TOPAZ1: variants seen among roughly 807,000 people sequenced by gnomAD.
TOPAZ1 encodes the protein protein TOPAZ1.
In TOPAZ1, 66 loss-of-function variants were observed where a neutral mutation model predicts 172.2. The ratio of observed to expected loss-of-function variants is 0.38; its 90% CI spans 0.31 to 0.47. The LOEUF is 0.47. Ranked by LOEUF, TOPAZ1 falls within the 20% of genes least tolerant of loss-of-function variation. The pLI, the probability that TOPAZ1 is intolerant of heterozygous loss-of-function variation, is 0.99. For missense variants in TOPAZ1, 1,822 were observed against 1,972.4 expected, an observed-to-expected ratio of 0.92 and a Z score of 1.44; for synonymous variants, 681 against 683.9, an observed-to-expected ratio of 1.00 and a Z score of 0.07.
chr3:44,261,883 C>T (rs1022382844), intron 4 of TOPAZ1, among the ~76,000 whole-genome samples: 1 of 152,062 alleles, frequency 6.6e-6, no homozygotes, highest in Admixed American at 6.6e-5. Flanking sequence ...CCCTGGTTAG[C>T]TGTATTCCTA....
chr3:44,281,840 C>A, intron 8 of TOPAZ1, 128 bp from the exon 9 acceptor site: 1 of 558,594 alleles, frequency 1.8e-6, no homozygotes, highest in African/African-American at 1.9e-5. Flanking sequence ...CAAACATCAG[C>A]TTCTTTATTC....
Position 44,306,388 on chromosome 3 carries a change from G to A in TOPAZ1, c.4102G>A (p.Ala1368Thr). The stretch of plus-strand genomic sequence containing the variant: ...TGTACTGGGAAGAATTGGAATCAGT[G>A]CTATGTACTTCTATCACAAGCTGTT... ...KGVLGRIGIS[A>T]MYFYHKLLQW... Residue 1368 changes from alanine to threonine, a missense_variant, in exon 15 of 20, where the codon GCT becomes ACT. This residue lies in a region of TOPAZ1 where 333 missense variants were observed against 481.7 expected (regional missense o/e 0.69). Coordinates refer to ENST00000309765, the MANE Select transcript of TOPAZ1 (RefSeq NM_001145030.2). The A allele has an allele frequency of 6.5e-7, 1 of 1,546,922 alleles. No individual in the cohort carries two copies. The highest frequency in any genetic ancestry group is 8.7e-7 in the Non-Finnish European group (1 of 1,143,540).
chr3:44,258,483 G>A (rs1424044491), intron 4 of TOPAZ1, among the ~76,000 whole-genome samples: 16 of 151,940 alleles, frequency 1.1e-4, no homozygotes, highest in Non-Finnish European at 1.5e-5. Flanking sequence ...CTTAACCCTG[G>A]ACAACCACAT....
chr3:44,327,718 G>GTT (rs200305433), intron 18 of TOPAZ1, among the ~76,000 whole-genome samples: 1 of 147,160 alleles, frequency 6.8e-6, no homozygotes, highest in South Asian at 2.2e-4. Context: ...TTTTCAGAGT[G>GTT]TTTTTTTTTT....
chr3:44,263,509 C>T (rs1202619422), intron 5 of TOPAZ1, among the ~76,000 whole-genome samples: 1 of 152,108 alleles, frequency 6.6e-6, no homozygotes, highest in African/African-American at 2.4e-5. Flanking sequence ...GTTTATGTTG[C>T]CGCTTTTGTT....
At chr3:44,257,414 TTATATATTTTATATATATATAAA>T (rs1699724135) in intron 4 of TOPAZ1, among the ~76,000 whole-genome samples, 2 of 123,808 alleles carry the variant, frequency 1.6e-5, no homozygotes, top group African/African-American at 3.6e-5. Flanking sequence ...TGTGTCTATT[TTATATATTTTATATATATATAAA>T]ATGTGTGTGT....
At chr3:44,293,125 T>G (rs1412787220) in intron 12 of TOPAZ1, among the ~76,000 whole-genome samples, 1 of 152,170 alleles carries the variant, frequency 6.6e-6, no homozygotes, top group Non-Finnish European at 1.5e-5. Flanking sequence ...AATGCACTAC[T>G]CATATGTTTG....
intron 2 of TOPAZ1, among the ~76,000 whole-genome samples, chr3:44,249,913 T>C (rs1699610278): frequency 1.3e-5 from 2 of 152,198 alleles, no homozygotes; most frequent in South Asian, 4.1e-4. Context: ...CAGTATGGAA[T>C]TGATGTTGGT....
intron 2 of TOPAZ1, among the ~76,000 whole-genome samples, chr3:44,252,264 T>C (rs957036328): frequency 2.6e-5 from 4 of 152,352 alleles, no homozygotes; most frequent in African/African-American, 4.8e-5. Context: ...GTTCATGTTA[T>C]TACCTCAATA....
At chr3:44,294,648 C>T (rs1020829752) in intron 12 of TOPAZ1, among the ~76,000 whole-genome samples, 1 of 152,104 alleles carries the variant, frequency 6.6e-6, no homozygotes, top group Non-Finnish European at 1.5e-5. Flanking sequence ...ACTACAGGCA[C>T]GTGCCATTGT....
chr3:44,285,981 G>T (rs1474200295), intron 9 of TOPAZ1, among the ~76,000 whole-genome samples: 2 of 151,938 alleles, frequency 1.3e-5, no homozygotes, highest in Non-Finnish European at 2.9e-5. Flanking sequence ...GGCCAAGGCG[G>T]GCAGATCACC....
chr3:44,253,410 AC>A (rs1699658428), intron 2 of TOPAZ1, among the ~76,000 whole-genome samples: 1 of 152,230 alleles, frequency 6.6e-6, no homozygotes, highest in African/African-American at 2.4e-5. Flanking sequence ...GTGACTTTAC[AC>A]AGAAGTGGGA....
At chr3:44,303,479 C>CTTTTTTTTTTTTT (rs34565826) in intron 12 of TOPAZ1, among the ~76,000 whole-genome samples, 3 of 109,946 alleles carry the variant, frequency 2.7e-5, no homozygotes, top group African/African-American at 3.5e-5. Flanking sequence ...TGCTTGCTTG[C>CTTTTTTTTTTTTT]TTTTTTTTTT....
At chr3:44,318,928 A>C (rs959121992) in intron 16 of TOPAZ1, among the ~76,000 whole-genome samples, 11 of 151,584 alleles carry the variant, frequency 7.3e-5, no homozygotes, top group Non-Finnish European at 2.9e-5. Flanking sequence ...CAGAAACCAC[A>C]AACTGATCGG....
intron 12 of TOPAZ1, among the ~76,000 whole-genome samples, chr3:44,292,289 A>G (rs551474047): frequency 8.5e-5 from 13 of 152,330 alleles, no homozygotes; most frequent in Admixed American, 6.5e-4. Flanking sequence ...TACCTAGGAA[A>G]CAAATTTTTG....
At chr3:44,269,996 T>C (rs1699878430) in intron 7 of TOPAZ1, among the ~76,000 whole-genome samples, 1 of 152,044 alleles carries the variant, frequency 6.6e-6, no homozygotes, top group Admixed American at 6.5e-5. Flanking sequence ...AGGTAGAAAA[T>C]AAGTAGTGAG....
intron 12 of TOPAZ1, among the ~76,000 whole-genome samples, chr3:44,295,498 C>A (rs189634739): frequency 2.0e-5 from 3 of 152,004 alleles, no homozygotes; most frequent in African/African-American, 7.2e-5. Flanking sequence ...CTATATGCCC[C>A]TGACAAGAAA....
chr3:44,256,531 T>C (rs2125680600), intron 4 of TOPAZ1, among the ~76,000 whole-genome samples: 1 of 152,322 alleles, frequency 6.6e-6, no homozygotes, highest in Admixed American at 6.5e-5. Context: ...ATCTGAAGTT[T>C]GTCACAAACC....
intron 16 of TOPAZ1, among the ~76,000 whole-genome samples, chr3:44,311,429 A>G (rs1201666255): frequency 6.6e-6 from 1 of 152,206 alleles, no homozygotes; most frequent in Non-Finnish European, 1.5e-5. Context: ...AACTTGGGTC[A>G]CCTTACGATA....
Sources: gnomAD v4.1 joint callset for allele counts (sites outside exome capture counted in the v4.1 genomes callset) on GRCh38, gnomAD v4.1.1 for gene constraint, gnomAD v4.1.1 regional missense constraint, MANE v1.5 for transcripts, NCBI Gene and HGNC (gene_info 2026-07-23, HGNC 2026-07-21) for gene names.